Variants in WWOX observed in about 807,000 individuals in gnomAD.
The protein encoded by WWOX is WW domain-containing oxidoreductase.
A neutral mutation model predicts 46.2 loss-of-function variants in WWOX; 69 were observed. The ratio of observed to expected loss-of-function variants is 1.49; its 90% CI spans 1.23 to 1.82. The LOEUF is 1.82. Ranked by LOEUF, WWOX falls within the 40% of genes most tolerant of loss-of-function variation. The pLI is 0.00. For synonymous variants in WWOX, 359 were observed against 202.6 expected, an observed-to-expected ratio of 1.77 and a Z score of -6.56; for missense variants, 919 against 542.6, an observed-to-expected ratio of 1.69 and a Z score of -6.89.
chr16:78,800,044 TG>T (rs1478261705), intron 8 of WWOX, among the ~76,000 whole-genome samples: 1 of 152,110 alleles, frequency 6.6e-6, no homozygotes, highest in African/African-American at 2.4e-5. Context: ...AAGGAACACT[TG>T]GGTTTCATCA....
intron 8 of WWOX, among the ~76,000 whole-genome samples, chr16:78,968,121 ACAGCGCGTGGTCCGTGTGGCACAGCG>A (rs2046398584): frequency 6.3e-4 from 56 of 89,228 alleles, no homozygotes; most frequent in African/African-American, 2.2e-3. Context: ...TCCGCGTGGC[ACAGCGCGTGGTCCGTGTGGCACAGCG>A]CGTGGTCCGC....
intron 5 of WWOX, among the ~76,000 whole-genome samples, chr16:78,313,772 G>T (rs982070757): frequency 2.0e-5 from 3 of 152,156 alleles, no homozygotes; most frequent in African/African-American, 7.2e-5. Context: ...TTCTATTATG[G>T]AAGAGGGCTA....
At chr16:78,543,191 G>C (rs938367596) in intron 8 of WWOX, among the ~76,000 whole-genome samples, 1 of 152,224 alleles carries the variant, frequency 6.6e-6, no homozygotes, top group Admixed American at 6.5e-5. Flanking sequence ...ATCTGGCACA[G>C]ATGGCCTTCT....
At chr16:78,928,226 G>A (rs1252363429) in intron 8 of WWOX, among the ~76,000 whole-genome samples, 2 of 139,706 alleles carry the variant, frequency 1.4e-5, no homozygotes, top group African/African-American at 5.5e-5. Context: ...TTTTTGAGAC[G>A]GAGTCTCGCT....
intron 8 of WWOX, among the ~76,000 whole-genome samples, chr16:79,039,980 G>C (rs966333605): frequency 3.3e-5 from 5 of 152,114 alleles, no homozygotes; most frequent in African/African-American, 4.8e-5. Context: ...GATCATGCTG[G>C]TACATTTCAT....
chr16:79,072,514 C>T (rs2048570493), intron 8 of WWOX, among the ~76,000 whole-genome samples: 7 of 152,300 alleles, frequency 4.6e-5, no homozygotes, highest in Admixed American at 4.6e-4. Flanking sequence ...AAAAGCTACA[C>T]CATTCATCTA....
Position 78,269,946 on chromosome 16 carries a change from A to G in WWOX, c.516+105657A>G, listed in dbSNP as rs1411179057. 4.9e-5 allele frequency among the ~76,000 whole-genome samples: 6 copies of G among 123,278 alleles called. No homozygotes were observed. The South Asian group carries it at 1.6e-3, about 34-fold the overall frequency. The allele number at this position is 123,278 out of a possible 152,430, so 80.9% of individuals were successfully genotyped here. A position where few individuals can be genotyped will look rare whatever the true frequency, so the allele number is the denominator to read the frequency against. On this transcript the variant is annotated intron_variant, in intron 5 of 8. Coordinates refer to ENST00000566780, the MANE Select transcript of WWOX (RefSeq NM_016373.4). ...TTTTTTTTTTTTACTTTCACCAGGT[A>G]TTTTTTTGTGGAGTATGCATTTAAT...
chr16:78,478,772 A>T (rs571785385), intron 8 of WWOX, among the ~76,000 whole-genome samples: 3 of 152,228 alleles, frequency 2.0e-5, no homozygotes, highest in Non-Finnish European at 4.4e-5. Context: ...TAGCAGTTCA[A>T]ACTAGACAGC....
rs574371204 is a variant in WWOX at position 79,075,422 on chromosome 16, A to G, written c.1057-136186A>G. Among the ~76,000 whole-genome samples, 5 of 152,254 alleles carry G rather than the reference A, an allele frequency of 3.3e-5. No individual in the cohort carries two copies. The South Asian group carries it at 6.2e-4, about 19-fold the overall frequency. On this transcript the variant is annotated intron_variant, in intron 8 of 8. Transcript: ENST00000566780. ...TACTTCCTTTCTGTCTTTTTCCCCT[A>G]TACCTAAGTTTTTATTTACAATATA...
intron 8 of WWOX, among the ~76,000 whole-genome samples, chr16:78,812,555 C>T (rs1345709727): frequency 2.0e-5 from 3 of 151,634 alleles, no homozygotes; most frequent in African/African-American, 4.9e-5. Flanking sequence ...AACTCCTTCT[C>T]TACTAAAAAT....
At position 79,115,176 on chromosome 16, in the gene WWOX, C is replaced by T. The variant is rs188690869; in HGVS notation, c.1057-96432C>T. ...GTTCTTAGTCAGTATGGTTGTTGTG[C>T]CATGGATTCAAATGGGGTTGCTTGA... is the stretch of plus-strand genomic sequence containing the variant. On this transcript the variant is annotated intron_variant, in intron 8 of 8. Transcript: ENST00000566780. 4.6e-5 allele frequency among the ~76,000 whole-genome samples: 7 copies of T among 152,284 alleles called. No individual in the cohort carries two copies. In the East Asian group the frequency reaches 7.7e-4, roughly 17 times the overall value.
At chr16:78,469,063 A>T (rs1379814270) in intron 8 of WWOX, among the ~76,000 whole-genome samples, 1 of 152,216 alleles carries the variant, frequency 6.6e-6, no homozygotes, top group East Asian at 1.9e-4. Context: ...ACACCTGTTC[A>T]GTTTTGCTGG....
intron 8 of WWOX, among the ~76,000 whole-genome samples, chr16:78,620,411 C>T (rs903483875): frequency 1.3e-5 from 2 of 152,152 alleles, no homozygotes; most frequent in Non-Finnish European, 2.9e-5. Context: ...TCTGTATCAA[C>T]TGGAAAAAAC....
At chr16:79,102,730 C>G (rs920810916) in intron 8 of WWOX, among the ~76,000 whole-genome samples, 1 of 152,040 alleles carries the variant, frequency 6.6e-6, no homozygotes, top group African/African-American at 2.4e-5. Flanking sequence ...CTCGGAGGTT[C>G]TGAAGCTAAA....
chr16:79,071,077 CTTCTCT>C (rs1183641209), intron 8 of WWOX, among the ~76,000 whole-genome samples: 1 of 152,152 alleles, frequency 6.6e-6, no homozygotes, highest in Non-Finnish European at 1.5e-5. Flanking sequence ...AAGCACTGAC[CTTCTCT>C]TTTTATGATT....
intron 8 of WWOX, among the ~76,000 whole-genome samples, chr16:78,569,374 A>T (rs2044657175): frequency 6.6e-6 from 1 of 152,176 alleles, no homozygotes; most frequent in Non-Finnish European, 1.5e-5. Context: ...TTAAAATATC[A>T]CTGTTTTGTT....
intron 8 of WWOX, among the ~76,000 whole-genome samples, chr16:78,751,345 C>CA (rs755235124): frequency 2.7e-5 from 4 of 146,628 alleles, no homozygotes; most frequent in African/African-American, 5.0e-5. Flanking sequence ...AGTTTTCAAC[C>CA]AAAAAAAAGA....
At position 78,799,513 on chromosome 16, in the gene WWOX, A is replaced by C. The variant is rs565894006; in HGVS notation, c.1056+366761A>C. 5.3e-5 allele frequency among the ~76,000 whole-genome samples: 8 copies of C among 152,298 alleles called. No homozygotes were observed. The South Asian group carries it at 1.7e-3, about 32-fold the overall frequency. ...TGTTGTTTTAAATAATATCGTCATC[A>C]CATGTCATTTTAGACCCCAAAAGTC... On this transcript the variant is annotated intron_variant, in intron 8 of 8. Transcript: ENST00000566780.
intron 8 of WWOX, among the ~76,000 whole-genome samples, chr16:78,944,125 T>C (rs1213484738): frequency 6.6e-6 from 1 of 152,230 alleles, no homozygotes; most frequent in African/African-American, 2.4e-5. Context: ...TGCTGTGGTA[T>C]TGTCTGAGCC....
Sources: gnomAD v4.1 joint callset for allele counts (sites outside exome capture counted in the v4.1 genomes callset) on GRCh38, gnomAD v4.1.1 for gene constraint, MANE v1.5 for transcripts, NCBI Gene and HGNC (gene_info 2026-07-23, HGNC 2026-07-21) for gene names.